Variants in CDIN1 observed in about 807,000 individuals in gnomAD.
CDIN1 encodes CDAN1-interacting nuclease 1.
A neutral mutation model predicts 45.3 loss-of-function variants in CDIN1; 33 were observed. The observed-to-expected ratio is 0.73, with a 90% CI of 0.55 to 0.97. The LOEUF is 0.97. Among genes scored for constraint, CDIN1 ranks in the 50% least tolerant of loss-of-function variants. CDIN1 has a pLI of 0.00. For missense variants in CDIN1, 303 were observed against 339.4 expected (o/e 0.89, Z 0.84); for synonymous variants, 118 against 124.4 (o/e 0.95, Z 0.34).
At chr15:36,784,737 A>C (rs537747318) in intron 10 of CDIN1, among the ~76,000 whole-genome samples, 1 of 145,428 alleles carries the variant, frequency 6.9e-6, no homozygotes, top group South Asian at 2.1e-4. Context: ...CTGCTTGCTA[A>C]CTAAATTCTC....
intron 10 of CDIN1, among the ~76,000 whole-genome samples, chr15:36,791,222 T>C (rs986978934): frequency 2.0e-5 from 3 of 152,190 alleles, no homozygotes; most frequent in Non-Finnish European, 2.9e-5. Flanking sequence ...CTACACAAAA[T>C]AGCTATGCAA....
chr15:36,713,580 G>A (rs1257148012), intron 10 of CDIN1, among the ~76,000 whole-genome samples: 2 of 152,160 alleles, frequency 1.3e-5, no homozygotes, highest in Non-Finnish European at 2.9e-5. Context: ...AATGGACTGA[G>A]TAAAACCTTT....
rs117392651 is a variant in CDIN1, at chr15:36,701,409, T to G, written c.544+4019T>G. ...TGAGACCGTATTTTGCTGTGTTTTT[T>G]TGTGTGTTTTTTTTAGCAGCTTTGG... On this transcript the variant is annotated intron_variant, in intron 8 of 10. Coordinates refer to ENST00000566621, the MANE Select transcript of CDIN1 (RefSeq NM_001321759.2). 4.5e-3 allele frequency among the ~76,000 whole-genome samples: 683 copies of G among 152,284 alleles called. 2 individuals carry two copies. Among genetic ancestry groups the G allele is most frequent in the Non-Finnish European group, 7.9e-3 (537 of 68,024 alleles).
chr15:36,789,953 C>T (rs955376858), intron 10 of CDIN1, among the ~76,000 whole-genome samples: 8 of 152,124 alleles, frequency 5.3e-5, no homozygotes, highest in Non-Finnish European at 1.0e-4. Flanking sequence ...AAAACTAATG[C>T]TTGGTCCATA....
chr15:36,778,767 A>T (rs2054280438), intron 10 of CDIN1, among the ~76,000 whole-genome samples: 1 of 152,204 alleles, frequency 6.6e-6, no homozygotes, highest in Non-Finnish European at 1.5e-5. Context: ...TTTACTGCAT[A>T]TGGAATCAAC....
At chr15:36,604,907 A>G (rs1201452592) in intron 1 of CDIN1, among the ~76,000 whole-genome samples, 1 of 152,290 alleles carries the variant, frequency 6.6e-6, no homozygotes, top group South Asian at 2.1e-4. Flanking sequence ...GTGTTTTCTG[A>G]CATAGAAAAT....
chr15:36,697,891 ATGT>A, intron 8 of CDIN1, among the ~76,000 whole-genome samples: 2 of 152,126 alleles, frequency 1.3e-5, no homozygotes, highest in Admixed American at 1.3e-4. Context: ...ACATGTATTC[ATGT>A]GTTTGTGTAT....
chr15:36,616,300 G>C (rs75904777), intron 1 of CDIN1, among the ~76,000 whole-genome samples: 3 of 113,360 alleles, frequency 2.6e-5, no homozygotes, highest in Non-Finnish European at 3.9e-5. Context: ...TTTTTTTTTT[G>C]AGACAGACTT....
intron 1 of CDIN1, chr15:36,626,900 G>T: frequency 4.9e-6 from 1 of 206,110 alleles, no homozygotes. Flanking sequence ...CATGTCCCCA[G>T]GGATGTGGTG....
intron 9 of CDIN1, 152 bp from the exon 10 acceptor site, chr15:36,709,704 A>G (rs374836950): frequency 8.5e-6 from 5 of 588,150 alleles, no homozygotes; most frequent in South Asian, 4.9e-5. Context: ...TAATGAACAT[A>G]TACAGTGTGT....
chr15:36,598,683 A>G (rs554892292), intron 1 of CDIN1, among the ~76,000 whole-genome samples: 142 of 149,774 alleles, frequency 9.5e-4, no homozygotes, highest in African/African-American at 3.2e-3. Context: ...CTCCCTTTCT[A>G]TTTTCCTCTC....
At chr15:36,607,822 G>A (rs113577218) in intron 1 of CDIN1, among the ~76,000 whole-genome samples, 2 of 151,736 alleles carry the variant, frequency 1.3e-5, no homozygotes, top group East Asian at 1.9e-4. Context: ...AATATTTTAC[G>A]ACCCCAAAAA....
chr15:36,727,597 T>G (rs544325644), intron 10 of CDIN1, among the ~76,000 whole-genome samples: 1 of 152,216 alleles, frequency 6.6e-6, no homozygotes, highest in Non-Finnish European at 1.5e-5. Flanking sequence ...TGATAGATGA[T>G]CTAATAATTG....
At chr15:36,655,892 T>G (rs908382862) in intron 4 of CDIN1, among the ~76,000 whole-genome samples, 8 of 152,210 alleles carry the variant, frequency 5.3e-5, no homozygotes, top group African/African-American at 1.9e-4. Context: ...CTATATCCAT[T>G]AAATATTTAG....
At position 36,783,986 on chromosome 15, in the gene CDIN1, A is replaced by G. The variant is rs147290701; in HGVS notation, c.717-24338A>G. ...ACTTTCCACAGGTTTCCAGAGTTCA[A>G]TACTGACAGGGTTCATACACTAAGA... On this transcript the variant is annotated intron_variant, in intron 10 of 10. Coordinates refer to ENST00000566621, the MANE Select transcript of CDIN1 (RefSeq NM_001321759.2). Among the ~76,000 whole-genome samples, 216 of 152,340 alleles carry G rather than the reference A, an allele frequency of 1.4e-3. 1 individual carries two copies. Among genetic ancestry groups the G allele is most frequent in the African/African-American group, 4.6e-3 (192 of 41,584 alleles).
rs759352768 is a variant in CDIN1 at position 36,785,412 on chromosome 15, G to A, written c.717-22912G>A. 4.6e-4 allele frequency among the ~76,000 whole-genome samples: 70 copies of A among 151,924 alleles called. 2 individuals carry two copies. Among genetic ancestry groups the A allele is most frequent in the Non-Finnish European group, 1.3e-4 (9 of 68,034 alleles). On this transcript the variant is annotated intron_variant, in intron 10 of 10. Transcript: ENST00000566621. Reference sequence around the variant, plus strand: ...AGCCCTGGTTGTTCAGTTGAAAAGCGGTTGGATAATCACTAACATTCTGGG... The same window carrying A: ...AGCCCTGGTTGTTCAGTTGAAAAGCAGTTGGATAATCACTAACATTCTGGG...
chr15:36,681,983 T>C (rs907294217), intron 5 of CDIN1, among the ~76,000 whole-genome samples: 1 of 152,134 alleles, frequency 6.6e-6, no homozygotes, highest in African/African-American at 2.4e-5. Flanking sequence ...GGCAAATGTG[T>C]TGATAAATTT....
chr15:36,691,081 T>G (rs766588078), intron 5 of CDIN1: 2 of 498,204 alleles, frequency 4.0e-6, no homozygotes, highest in Non-Finnish European at 7.9e-6. Flanking sequence ...TATATTTTCC[T>G]TATTTAAGAT....
intron 7 of CDIN1, among the ~76,000 whole-genome samples, chr15:36,695,409 T>A (rs965178430): frequency 6.6e-6 from 1 of 152,144 alleles, no homozygotes; most frequent in Non-Finnish European, 1.5e-5. Flanking sequence ...AGGATAACAC[T>A]CCTTTTCAGA....
Sources: allele counts gnomAD v4.1 joint callset (sites outside exome capture counted in the v4.1 genomes callset), GRCh38; gene constraint gnomAD v4.1.1; transcripts MANE v1.5; gene names NCBI Gene and HGNC (gene_info 2026-07-23, HGNC 2026-07-21).